TSHZ1: variants seen among roughly 807,000 people sequenced by gnomAD.
The protein encoded by TSHZ1 is teashirt zinc finger homeobox 1.
TSHZ1 carries 12 observed loss-of-function variants against 67.1 expected under a neutral mutation model. The observed-to-expected ratio is 0.18, with a 90% confidence interval of 0.11 to 0.29. The LOEUF (loss-of-function observed/expected upper bound fraction) is 0.29. Among genes scored for constraint, TSHZ1 ranks in the 10% least tolerant of loss-of-function variants. The pLI is 1.00. For synonymous variants in TSHZ1, 632 were observed against 622.4 expected (o/e 1.02, Z -0.23); for missense variants, 1,305 against 1,413.9 (o/e 0.92, Z 1.23).
chr18:75,276,960 T>C (rs1398744995), intron 1 of TSHZ1, among the ~76,000 whole-genome samples: 3 of 152,240 alleles, frequency 2.0e-5, no homozygotes, highest in Non-Finnish European at 2.9e-5. Context: ...GGCTGTCATT[T>C]GTGTCCACCA....
intron 1 of TSHZ1, among the ~76,000 whole-genome samples, chr18:75,269,360 T>C (rs2023530145): frequency 6.6e-6 from 1 of 152,172 alleles, no homozygotes; most frequent in Non-Finnish European, 1.5e-5. Context: ...TACGATGTGG[T>C]TCTGTGCTCA....
In TSHZ1 at chr18:75,211,552, G is replaced by C. The variant is rs1333759099; in HGVS notation, c.-325G>C. ...CAGCATGGAGCGCGGGCCGCGGGCC[G>C]GCCCGCCGAGCGCCCGCTGCTGCGC... is the stretch of plus-strand genomic sequence containing the variant. On this transcript the variant is annotated 5_prime_UTR_variant, in exon 1 of 2. Transcript: ENST00000580243. 8 of 143,920 alleles carry C rather than the reference G, an allele frequency of 5.6e-5. No individual in the cohort carries two copies. The highest frequency in any genetic ancestry group is 3.4e-4 in the Admixed American group (5 of 14,590). The allele number at this position is 143,920 out of a possible 1,614,324, so 8.9% of individuals were successfully genotyped here.
At chr18:75,278,578 G>T (rs774439142) in intron 1 of TSHZ1, among the ~76,000 whole-genome samples, 4 of 152,068 alleles carry the variant, frequency 2.6e-5, no homozygotes, top group Admixed American at 6.5e-5. Flanking sequence ...CCTTGTTGGG[G>T]GCCTGTGGGG....
chr18:75,252,329 T>C (rs1179211904), intron 1 of TSHZ1, among the ~76,000 whole-genome samples: 1 of 152,216 alleles, frequency 6.6e-6, no homozygotes, highest in Non-Finnish European at 1.5e-5. Context: ...AGGTTTTGGA[T>C]GTTTTAAATT....
At chr18:75,274,812 A>G (rs2023597850) in intron 1 of TSHZ1, among the ~76,000 whole-genome samples, 1 of 152,226 alleles carries the variant, frequency 6.6e-6, no homozygotes, top group Non-Finnish European at 1.5e-5. Context: ...AATTATTAAG[A>G]TAAAGAATTT....
At chr18:75,282,098 T>C (rs1481746719) in intron 1 of TSHZ1, among the ~76,000 whole-genome samples, 12 of 152,168 alleles carry the variant, frequency 7.9e-5, no homozygotes, top group Non-Finnish European at 1.5e-5. Flanking sequence ...AGGAGGGCCT[T>C]CTCGTTCTGT....
intron 1 of TSHZ1, among the ~76,000 whole-genome samples, chr18:75,222,739 T>A (rs953148760): frequency 4.6e-5 from 7 of 152,204 alleles, no homozygotes; most frequent in African/African-American, 1.7e-4. Flanking sequence ...CCCCCCTATT[T>A]TTTGTGGAGA....
intron 1 of TSHZ1, among the ~76,000 whole-genome samples, chr18:75,248,951 C>T (rs114404343): frequency 0.016 from 2,404 of 152,308 alleles, 68 homozygotes; most frequent in African/African-American, 0.054. Flanking sequence ...AGGCGAGCCA[C>T]CTCCGCGTGG....
intron 1 of TSHZ1, among the ~76,000 whole-genome samples, chr18:75,231,825 A>G (rs1333854069): frequency 6.6e-6 from 1 of 151,880 alleles, no homozygotes; most frequent in African/African-American, 2.4e-5. Context: ...GGTGTGTTCC[A>G]CTATGCCTGG....
chr18:75,269,218 C>A lies in TSHZ1; in HGVS notation c.41-16230C>A, dbSNP rs147392175. Among the ~76,000 whole-genome samples, 22 of 152,352 alleles carry A rather than the reference C, an allele frequency of 1.4e-4. No homozygotes were observed. In the East Asian group the frequency reaches 4.2e-3, roughly 29 times the overall value. ...ATGGAAAAAAGCCACAGCCTCAGTG[C>A]ATTTATCTGCATCAGTTTGCTTTGG... is the stretch of plus-strand genomic sequence containing the variant. On this transcript the variant is annotated intron_variant, in intron 1 of 1. Coordinates refer to ENST00000580243, the MANE Select transcript of TSHZ1 (RefSeq NM_001308210.2).
intron 1 of TSHZ1, among the ~76,000 whole-genome samples, chr18:75,282,118 A>G (rs1283416878): frequency 6.6e-6 from 1 of 152,204 alleles, no homozygotes; most frequent in African/African-American, 2.4e-5. Flanking sequence ...TGGATCTGTG[A>G]GGTCCAATCT....
rs572003720 is a variant in TSHZ1 at position 75,235,608 on chromosome 18, T to G, written c.40+23692T>G. On this transcript the variant is annotated intron_variant, in intron 1 of 1. Coordinates refer to ENST00000580243, the MANE Select transcript of TSHZ1 (RefSeq NM_001308210.2). ...AAAGTAAAAGCAGCTAAGAAGGTCCTTAAGGTAATGGAGCTCACGGTGTAG... is the reference window on the plus strand; with the variant it reads ...AAAGTAAAAGCAGCTAAGAAGGTCCGTAAGGTAATGGAGCTCACGGTGTAG... 4.6e-5 allele frequency among the ~76,000 whole-genome samples: 7 copies of G among 152,302 alleles called. No individual in the cohort carries two copies. In the South Asian group the frequency reaches 1.5e-3, roughly 32 times the overall value.
intron 1 of TSHZ1, among the ~76,000 whole-genome samples, chr18:75,247,261 G>T (rs954149834): frequency 6.6e-6 from 1 of 152,178 alleles, no homozygotes; most frequent in Non-Finnish European, 1.5e-5. Context: ...CAGGCCATGC[G>T]GTCAGGGCTG....
intron 1 of TSHZ1, among the ~76,000 whole-genome samples, chr18:75,278,165 C>T (rs900704355): frequency 6.6e-6 from 1 of 151,724 alleles, no homozygotes; most frequent in African/African-American, 2.4e-5. Flanking sequence ...CTTTTCAGGC[C>T]CAGGCTCCTG....
intron 1 of TSHZ1, among the ~76,000 whole-genome samples, chr18:75,259,951 G>T (rs1490439930): frequency 3.9e-5 from 6 of 152,212 alleles, no homozygotes; most frequent in Admixed American, 2.6e-4. Context: ...ATAGATAACG[G>T]CAACTTCCAC....
chr18:75,286,034 G>A lies in TSHZ1; in HGVS notation c.627G>A (p.Gln209=). ...WHQAALAKTL[Q]QTSSYGLLPE... ...AGGCTGCACTGGCCAAGACGCTGCA[G>A]CAGACGTCCTCGTATGGGCTGCTTC... is the stretch of plus-strand genomic sequence containing the variant. Residue 209 remains glutamine (Q), a synonymous_variant, in exon 2 of 2, where the codon CAG becomes CAA. Transcript: ENST00000580243. This position sits in a 1 kb window ranked among gnomAD's most constrained non-coding sequence, Gnocchi z 5.1. 1 of 1,612,694 alleles carries A rather than the reference G, an allele frequency of 6.2e-7. No individual in the cohort carries two copies. The highest frequency in any genetic ancestry group is 8.5e-7 in the Non-Finnish European group (1 of 1,179,616).
intron 1 of TSHZ1, among the ~76,000 whole-genome samples, chr18:75,224,977 C>T (rs1435677243): frequency 6.6e-6 from 1 of 152,138 alleles, no homozygotes; most frequent in Non-Finnish European, 1.5e-5. Context: ...CATGAAGCAA[C>T]AGCTGTCCTT....
At chr18:75,224,803 G>C (rs770398575) in intron 1 of TSHZ1, among the ~76,000 whole-genome samples, 31 of 152,106 alleles carry the variant, frequency 2.0e-4, no homozygotes, top group Non-Finnish European at 4.3e-4. Context: ...CTGGGTCTTT[G>C]TTCTTTCATT....
At chr18:75,279,311 G>A in intron 1 of TSHZ1, among the ~76,000 whole-genome samples, 1 of 152,324 alleles carries the variant, frequency 6.6e-6, no homozygotes, top group South Asian at 2.1e-4. Flanking sequence ...AAAGAACATA[G>A]TAGAATAGTA....
Sources: gnomAD v4.1 joint callset for allele counts (sites outside exome capture counted in the v4.1 genomes callset) on GRCh38, gnomAD v4.1.1 for gene constraint, Gnocchi (gnomAD v3.1) non-coding constraint, MANE v1.5 for transcripts, NCBI Gene and HGNC (gene_info 2026-07-23, HGNC 2026-07-21) for gene names.